Variants in SCN9A observed in about 807,000 individuals in gnomAD.
SCN9A encodes the protein sodium channel protein type 9 subunit alpha.
SCN9A carries 131 observed loss-of-function variants against 187.0 expected under a neutral mutation model. That is an observed-to-expected ratio of 0.70 (90% CI 0.61 to 0.81). The LOEUF (loss-of-function observed/expected upper bound fraction) is 0.81, where lower values mean the gene tolerates loss of function less well. Among genes scored for constraint, SCN9A ranks in the 30% least tolerant of loss-of-function variants. The probability of loss-of-function intolerance (pLI) is 0.00; values close to 1 mark genes in which losing one functional copy is unlikely to be tolerated. For missense variants in SCN9A, 2,252 were observed against 2,396.6 expected, an observed-to-expected ratio of 0.94 and a Z score of 1.26; for synonymous variants, 809 against 808.6, an observed-to-expected ratio of 1.00 and a Z score of -0.01.
rs553217886 is a variant in SCN9A at position 166,348,464 on chromosome 2, C to A, written c.-51+27233G>T. Among the ~76,000 whole-genome samples, 5 of 152,218 alleles carry A rather than the reference C, an allele frequency of 3.3e-5. No individual in the cohort carries two copies. In the South Asian group the frequency reaches 1.0e-3, roughly 32 times the overall value. On this transcript the variant is annotated intron_variant, in intron 1 of 26. Coordinates refer to ENST00000642356, the MANE Select transcript of SCN9A (RefSeq NM_001365536.1). ...TATTGATTATACTTTCTAAATCAAC[C>A]CTAAACCCTTTCCCTTTGCTTTTTC...
intron 19 of SCN9A, among the ~76,000 whole-genome samples, chr2:166,239,802 C>T (rs558982897): frequency 2.6e-5 from 4 of 152,176 alleles, no homozygotes; most frequent in South Asian, 2.1e-4. Context: ...AGAGCAGAGC[C>T]GCAGGAAGTC....
At chr2:166,314,166 G>A (rs916948220) in intron 1 of SCN9A, among the ~76,000 whole-genome samples, 1 of 152,168 alleles carries the variant, frequency 6.6e-6, no homozygotes, top group Admixed American at 6.5e-5. Flanking sequence ...AATTGCCAAA[G>A]TGTGACACAG....
chr2:166,363,811 AG>A (rs1700349155), intron 1 of SCN9A, among the ~76,000 whole-genome samples: 1 of 152,120 alleles, frequency 6.6e-6, no homozygotes, highest in African/African-American at 2.4e-5. Context: ...TGGAACCAAA[AG>A]CACGGTCAAC....
chr2:166,214,140 G>T (rs1694217017), intron 24 of SCN9A, among the ~76,000 whole-genome samples: 1 of 152,038 alleles, frequency 6.6e-6, no homozygotes, highest in Non-Finnish European at 1.5e-5. Flanking sequence ...TTTCCATTTT[G>T]TAGAACCCAA....
At chr2:166,219,131 A>G (rs901421315) in intron 24 of SCN9A, among the ~76,000 whole-genome samples, 1 of 152,226 alleles carries the variant, frequency 6.6e-6, no homozygotes, top group Non-Finnish European at 1.5e-5. Context: ...AGTGTAAATT[A>G]ATTCAACCAT....
chr2:166,291,773 C>A (rs1698082152), intron 9 of SCN9A, among the ~76,000 whole-genome samples: 2 of 152,170 alleles, frequency 1.3e-5, no homozygotes, highest in Non-Finnish European at 2.9e-5. Flanking sequence ...CACCACACTT[C>A]TACAAGCATC....
In SCN9A at chr2:166,206,175, A is replaced by C. The variant is rs773898324; in HGVS notation, c.4399-1711T>G. Among the ~76,000 whole-genome samples the C allele has an allele frequency of 1.9e-4, 29 of 152,316 alleles. No individual in the cohort carries two copies. In the Middle Eastern group the frequency reaches 0.01, roughly 54 times the overall value. On this transcript the variant is annotated intron_variant, in intron 24 of 26. Transcript: ENST00000642356. ...AATCTCATTACTGGGTATATACTCAAGGGATTGTAAATCATGCTACTATAA... is the reference window on the plus strand; with the variant it reads ...AATCTCATTACTGGGTATATACTCACGGGATTGTAAATCATGCTACTATAA...
At chr2:166,214,893 C>T (rs1261862713) in intron 24 of SCN9A, among the ~76,000 whole-genome samples, 1 of 151,738 alleles carries the variant, frequency 6.6e-6, no homozygotes, top group Non-Finnish European at 1.5e-5. Flanking sequence ...TTGCTCCTGA[C>T]ATAATTTATG....
chr2:166,231,054 G>A (rs1339120704), intron 21 of SCN9A, among the ~76,000 whole-genome samples: 1 of 152,116 alleles, frequency 6.6e-6, no homozygotes, highest in East Asian at 1.9e-4. Context: ...ATAGACATTT[G>A]CCTCTCAAAA....
At chr2:166,287,382 A>G (rs1052285993) in intron 10 of SCN9A, among the ~76,000 whole-genome samples, 1 of 151,252 alleles carries the variant, frequency 6.6e-6, no homozygotes, top group African/African-American at 2.5e-5. Context: ...TTTCCTCATG[A>G]TAAAATAATT....
At chr2:166,230,137 A>G (rs1224877713) in intron 21 of SCN9A, among the ~76,000 whole-genome samples, 1 of 152,158 alleles carries the variant, frequency 6.6e-6, no homozygotes, top group African/African-American at 2.4e-5. Flanking sequence ...CTGCCATGGT[A>G]GTCATGGGTC....
At chr2:166,336,304 A>G (rs1699626114) in intron 1 of SCN9A, among the ~76,000 whole-genome samples, 1 of 152,152 alleles carries the variant, frequency 6.6e-6, no homozygotes, top group African/African-American at 2.4e-5. Context: ...AAATTTTTGT[A>G]ATTTATTGAA....
intron 24 of SCN9A, among the ~76,000 whole-genome samples, chr2:166,222,959 A>AAAAAAAAAAAAAAAAC (rs1558960927): frequency 6.8e-6 from 1 of 146,910 alleles, no homozygotes; most frequent in Non-Finnish European, 1.5e-5. Flanking sequence ...AAAAAAAAAA[A>AAAAAAAAAAAAAAAAC]AAAAAAAAAA....
chr2:166,294,272 G>T (rs1252640832), intron 8 of SCN9A, among the ~76,000 whole-genome samples: 5 of 152,150 alleles, frequency 3.3e-5, no homozygotes, highest in African/African-American at 1.2e-4. Flanking sequence ...TAGACTTTGT[G>T]ACTCTTCGTT....
At chr2:166,215,779 C>CAAAAAAAAAAAA (rs33938188) in intron 24 of SCN9A, among the ~76,000 whole-genome samples, 1 of 134,796 alleles carries the variant, frequency 7.4e-6, no homozygotes, top group African/African-American at 2.7e-5. Context: ...GTCTCCTAAC[C>CAAAAAAAAAAAA]AAAAAAAAAA....
chr2:166,280,760 A>T (rs75236447), intron 13 of SCN9A, among the ~76,000 whole-genome samples, 165 bp from the exon 14 acceptor site: 7,979 of 152,306 alleles, frequency 0.052, 295 homozygotes, highest in South Asian at 0.13. Flanking sequence ...ATGTAAGTCT[A>T]TTATGACATG....
intron 2 of SCN9A, 141 bp downstream of exon 2, chr2:166,311,358 A>T (rs1284702674): frequency 9.2e-6 from 1 of 108,720 alleles, no homozygotes; most frequent in African/African-American, 3.6e-5. Context: ...ATATATATAT[A>T]TATATATATA....
intron 24 of SCN9A, among the ~76,000 whole-genome samples, chr2:166,217,718 G>A (rs149827750): frequency 6.6e-6 from 1 of 152,238 alleles, no homozygotes; most frequent in East Asian, 1.9e-4. Context: ...GATAACAAGT[G>A]TTGATGAGGA....
intron 21 of SCN9A, among the ~76,000 whole-genome samples, chr2:166,229,883 C>T (rs1431189732): frequency 6.6e-6 from 1 of 152,146 alleles, no homozygotes; most frequent in Non-Finnish European, 1.5e-5. Flanking sequence ...ACCTACCTGT[C>T]ATCTTACACT....
Sources: gnomAD v4.1 joint callset for allele counts (sites outside exome capture counted in the v4.1 genomes callset) on GRCh38, gnomAD v4.1.1 for gene constraint, MANE v1.5 for transcripts, NCBI Gene and HGNC (gene_info 2026-07-23, HGNC 2026-07-21) for gene names.